ESRRG: variants seen among roughly 807,000 people sequenced by gnomAD.
The protein encoded by ESRRG is estrogen related receptor gamma, also known as estrogen-related receptor gamma.
A neutral mutation model predicts 44.0 loss-of-function variants in ESRRG; 13 were observed. The observed-to-expected ratio is 0.30, with a 90% CI of 0.19 to 0.47. The LOEUF is 0.47. Ranked by LOEUF, ESRRG falls within the 20% of genes least tolerant of loss-of-function variation. The pLI, the probability that ESRRG is intolerant of heterozygous loss-of-function variation, is 1.00. For synonymous variants in ESRRG, 215 were observed against 214.6 expected, an observed-to-expected ratio of 1.00 and a Z score of -0.02; for missense variants, 395 against 580.6, an observed-to-expected ratio of 0.68 and a Z score of 3.29.
intron 2 of ESRRG, among the ~76,000 whole-genome samples, chr1:216,773,503 G>A (rs2093466783): frequency 6.6e-6 from 1 of 152,066 alleles, no homozygotes; most frequent in Non-Finnish European, 1.5e-5. Flanking sequence ...GTCAATTGTA[G>A]TCAACTATGA....
At chr1:216,644,745 C>A (rs1353357134) in intron 3 of ESRRG, among the ~76,000 whole-genome samples, 1 of 151,952 alleles carries the variant, frequency 6.6e-6, no homozygotes, top group Non-Finnish European at 1.5e-5. Context: ...CTGAAAGATA[C>A]TTTAAAGAGA....
At chr1:217,085,878 T>A (rs1320873458) in intron 1 of ESRRG, among the ~76,000 whole-genome samples, 1 of 152,016 alleles carries the variant, frequency 6.6e-6, no homozygotes, top group Non-Finnish European at 1.5e-5. Flanking sequence ...TACTTATAAT[T>A]CTTTGCTCTG....
At chr1:216,863,694 G>C (rs983986609) in intron 2 of ESRRG, 1 of 152,062 alleles carries the variant, frequency 6.6e-6, no homozygotes, top group African/African-American at 2.4e-5. Context: ...TTCTTTCTCA[G>C]GAGTCATGGG....
chr1:216,587,980 G>A (rs1282116592), intron 3 of ESRRG, among the ~76,000 whole-genome samples: 1 of 152,190 alleles, frequency 6.6e-6, no homozygotes, highest in East Asian at 1.9e-4. Context: ...TCTGAACAGA[G>A]TAAGATCCTA....
At chr1:217,096,386 C>A (rs1338203121) in intron 1 of ESRRG, among the ~76,000 whole-genome samples, 1 of 152,192 alleles carries the variant, frequency 6.6e-6, no homozygotes, top group Non-Finnish European at 1.5e-5. Context: ...AGTTGCTGAA[C>A]CAGCAGAGGA....
At chr1:216,840,571 T>C (rs2095636599) in intron 2 of ESRRG, among the ~76,000 whole-genome samples, 1 of 152,224 alleles carries the variant, frequency 6.6e-6, no homozygotes, top group South Asian at 2.1e-4. Context: ...GACCTAGCTT[T>C]TGGCCTGTCT....
upstream of ESRRG, among the ~76,000 whole-genome samples, chr1:216,725,651 G>C (rs1171485235): frequency 2.6e-5 from 4 of 151,960 alleles, no homozygotes; most frequent in Admixed American, 6.6e-5. Flanking sequence ...AAAATTCTCA[G>C]GGTAATTAAT....
At chr1:216,715,977 T>A (rs762427067) in intron 1 of ESRRG, among the ~76,000 whole-genome samples, 4 of 152,062 alleles carry the variant, frequency 2.6e-5, no homozygotes, top group Admixed American at 6.6e-5. Flanking sequence ...ACATAAGTTC[T>A]TAATTTATAT....
At position 216,577,525 on chromosome 1, in the gene ESRRG, C is replaced by T. The variant is rs549805231; in HGVS notation, c.590-9427G>A. Among the ~76,000 whole-genome samples, 3 of 151,990 alleles carry T rather than the reference C, an allele frequency of 2.0e-5. No individual in the cohort carries two copies. In the South Asian group the frequency reaches 6.2e-4, roughly 32 times the overall value. Reference sequence around the variant, plus strand: ...GACACTGGCAGCAATAAGTTTAACCCAATAATAATAGTTATAACAGTGCAC... The same window carrying T: ...GACACTGGCAGCAATAAGTTTAACCTAATAATAATAGTTATAACAGTGCAC... On this transcript the variant is annotated intron_variant, in intron 3 of 6. Transcript: ENST00000408911.
At chr1:216,882,987 C>T (rs1157855676) in intron 2 of ESRRG, among the ~76,000 whole-genome samples, 3 of 151,832 alleles carry the variant, frequency 2.0e-5, no homozygotes, top group Non-Finnish European at 2.9e-5. Context: ...CGAAATCTAC[C>T]GCTTTCCTTA....
At chr1:216,970,240 C>T (rs1398527006) in intron 1 of ESRRG, among the ~76,000 whole-genome samples, 1 of 152,104 alleles carries the variant, frequency 6.6e-6, no homozygotes, top group Non-Finnish European at 1.5e-5. Context: ...GAAAATGCAT[C>T]ACTAAAAATC....
Position 216,505,962 on chromosome 1 carries a change from G to T in ESRRG, c.*977C>A, listed in dbSNP as rs1293817527. Reference sequence around the variant, plus strand: ...CAGGATTCATTTGTCCTTCATTATTGTTCGTAATTGTTCAAAGCCAGCACA... The same window carrying T: ...CAGGATTCATTTGTCCTTCATTATTTTTCGTAATTGTTCAAAGCCAGCACA... On this transcript the variant is annotated 3_prime_UTR_variant, in exon 7 of 7. Coordinates refer to ENST00000408911, the MANE Select transcript of ESRRG (RefSeq NM_001438.4). 1 of 152,558 alleles carries T rather than the reference G, an allele frequency of 6.6e-6. No homozygotes were observed. The highest frequency in any genetic ancestry group is 1.9e-4 in the East Asian group (1 of 5,198). 9.5% of individuals were successfully genotyped at this position (152,558 alleles called of 1,614,324 possible).
At chr1:216,848,739 G>A (rs12083048) in intron 2 of ESRRG, among the ~76,000 whole-genome samples, 6,430 of 151,722 alleles carry the variant, frequency 0.042, 324 homozygotes, top group African/African-American at 0.12. Context: ...ACTGCACTTC[G>A]GAAAATATTT....
At chr1:216,703,656 T>C (rs534486442) in intron 1 of ESRRG, among the ~76,000 whole-genome samples, 169 of 80,314 alleles carry the variant, frequency 2.1e-3, no homozygotes, top group African/African-American at 9.6e-3. Flanking sequence ...CAAAGCTGGA[T>C]AGATGTGTGT....
intron 1 of ESRRG, among the ~76,000 whole-genome samples, chr1:217,052,872 A>C (rs1476767570): frequency 6.6e-6 from 1 of 152,118 alleles, no homozygotes; most frequent in Non-Finnish European, 1.5e-5. Context: ...TGGACTAGTC[A>C]CGCTTGATCA....
rs3738492 is a variant in ESRRG, at chr1:216,505,595, A to C, written c.*1344T>G. On this transcript the variant is annotated 3_prime_UTR_variant, in exon 7 of 7. Transcript: ENST00000408911. ...CCATGGCAGCTAGAAATCATATGGC[A>C]ATTGTACCTCCCAAGTAGAGAGGTG... is the stretch of plus-strand genomic sequence containing the variant. 4,008 of 152,626 alleles carry C rather than the reference A, an allele frequency of 0.026. 144 individuals are homozygous for C. Among genetic ancestry groups the C allele is most frequent in the African/African-American group, 0.081 (3,345 of 41,512 alleles). The allele number at this position is 152,626 out of a possible 1,614,324, so 9.5% of individuals were successfully genotyped here.
intron 2 of ESRRG, among the ~76,000 whole-genome samples, chr1:216,871,884 A>G (rs570548252): frequency 6.6e-6 from 1 of 152,052 alleles, no homozygotes; most frequent in South Asian, 2.1e-4. Context: ...AGGTACCCCA[A>G]TACTTACTAT....
chr1:217,121,119 TACAC>T (rs71163790), intron 1 of ESRRG, among the ~76,000 whole-genome samples: 4,847 of 148,174 alleles, frequency 0.033, 69 homozygotes, highest in Non-Finnish European at 0.043. Flanking sequence ...TCTTGAAGAA[TACAC>T]ACACACACAC....
chr1:216,993,147 G>A (rs992291062), intron 1 of ESRRG, among the ~76,000 whole-genome samples: 6 of 152,192 alleles, frequency 3.9e-5, no homozygotes, highest in Admixed American at 3.3e-4. Context: ...ATGAATGAAT[G>A]AATGAGTTAT....
Sources: gnomAD v4.1 joint callset for allele counts (sites outside exome capture counted in the v4.1 genomes callset) on GRCh38, gnomAD v4.1.1 for gene constraint, MANE v1.5 for transcripts, NCBI Gene and HGNC (gene_info 2026-07-23, HGNC 2026-07-21) for gene names.